Variants in FSTL4 observed in about 807,000 individuals in gnomAD.
The protein encoded by FSTL4 is follistatin-related protein 4.
FSTL4 carries 28 observed loss-of-function variants against 78.2 expected under a neutral mutation model. That is an observed-to-expected ratio of 0.36 (90% CI 0.27 to 0.49). The LOEUF is 0.49. Among genes scored for constraint, FSTL4 ranks in the 20% least tolerant of loss-of-function variants. FSTL4 has a pLI of 0.98. For synonymous variants in FSTL4, 422 were observed against 440.5 expected, an observed-to-expected ratio of 0.96 and a Z score of 0.53; for missense variants, 922 against 1,084.9, an observed-to-expected ratio of 0.85 and a Z score of 2.11.
At chr5:133,336,721 C>A (rs1030416344) in intron 4 of FSTL4, among the ~76,000 whole-genome samples, 2 of 152,206 alleles carry the variant, frequency 1.3e-5, no homozygotes, top group African/African-American at 2.4e-5. Context: ...TGGTTCCCTG[C>A]AGGCCTGACC....
At chr5:133,738,626 CT>C in the FSTL4 span, among the ~76,000 whole-genome samples, 1 of 152,178 alleles carries the variant, frequency 6.6e-6, no homozygotes, top group African/African-American at 2.4e-5. Context: ...AACTCAGGCC[CT>C]GATGCTGTCT....
the FSTL4 span, among the ~76,000 whole-genome samples, chr5:133,770,554 T>G: frequency 1.3e-5 from 2 of 152,202 alleles, no homozygotes; most frequent in Non-Finnish European, 2.9e-5. Flanking sequence ...TCATGTCCTT[T>G]GCCCAATTTT....
intron 6 of FSTL4, among the ~76,000 whole-genome samples, chr5:133,258,129 C>T (rs573610622): frequency 1.3e-5 from 2 of 152,280 alleles, no homozygotes; most frequent in East Asian, 1.9e-4. Context: ...ATGACTATTT[C>T]GTGGCCTCTC....
At chr5:133,783,510 C>T in the FSTL4 span, among the ~76,000 whole-genome samples, 7 of 152,228 alleles carry the variant, frequency 4.6e-5, no homozygotes, top group Non-Finnish European at 1.0e-4. Flanking sequence ...CACGGCCTCA[C>T]ATGTCCTCCT....
intron 6 of FSTL4, among the ~76,000 whole-genome samples, chr5:133,258,426 A>G (rs953264707): frequency 6.6e-6 from 1 of 152,202 alleles, no homozygotes; most frequent in Non-Finnish European, 1.5e-5. Flanking sequence ...AGAAAAAATG[A>G]GCCTGGGTAA....
chr5:133,319,528 A>G (rs1753995981), intron 4 of FSTL4, among the ~76,000 whole-genome samples: 1 of 152,164 alleles, frequency 6.6e-6, no homozygotes, highest in Non-Finnish European at 1.5e-5. Context: ...TGCAGGAGCC[A>G]TGGTGGGGCA....
chr5:133,259,183 G>T (rs1271909913), intron 6 of FSTL4, among the ~76,000 whole-genome samples: 8 of 149,174 alleles, frequency 5.4e-5, no homozygotes, highest in Non-Finnish European at 1.2e-4. Context: ...GTGTGTGTGG[G>T]GGGTGGGTGC....
intron 6 of FSTL4, 104 bp from the exon 7 acceptor site, chr5:133,249,680 G>T: frequency 1.2e-6 from 1 of 804,540 alleles, no homozygotes; most frequent in East Asian, 2.6e-5. Context: ...AGGCCCAGAA[G>T]GGCTTCACGA....
intron 3 of FSTL4, among the ~76,000 whole-genome samples, chr5:133,561,693 A>G (rs1481848476): frequency 6.6e-6 from 1 of 152,162 alleles, no homozygotes; most frequent in Non-Finnish European, 1.5e-5. Flanking sequence ...AGCCAGCACA[A>G]GTTGGGTTTC....
the FSTL4 span, among the ~76,000 whole-genome samples, chr5:133,796,345 C>A: frequency 6.6e-6 from 1 of 152,190 alleles, no homozygotes; most frequent in Non-Finnish European, 1.5e-5. Flanking sequence ...GACTGTCAAC[C>A]AGCTCAGTGG....
intron 11 of FSTL4, 151 bp from the exon 12 acceptor site, chr5:133,221,017 G>A: frequency 1.4e-6 from 1 of 725,110 alleles, no homozygotes; most frequent in Non-Finnish European, 2.5e-6. Flanking sequence ...GGTAGAATGA[G>A]CAGCCAGCTT....
the FSTL4 span, among the ~76,000 whole-genome samples, chr5:133,673,094 G>A: frequency 1.3e-5 from 2 of 152,198 alleles, no homozygotes; most frequent in African/African-American, 2.4e-5. Flanking sequence ...ATTCTTTTGA[G>A]TTTCTGATGA....
In FSTL4 at chr5:133,517,447, AAT is replaced by A. The variant is rs1554068021; in HGVS notation, c.160+49737_160+49738del. Among the ~76,000 whole-genome samples, 44 of 16,402 alleles carry A rather than the reference AAT, an allele frequency of 2.7e-3. 1 individual carries two copies. The highest frequency in any genetic ancestry group is 7.8e-3 in the African/African-American group (28 of 3,574). 10.8% of individuals were successfully genotyped at this position (16,402 alleles called of 152,430 possible). ...CAAAAAAAAAAAAAAAAAAAAAAAA[AAT>A]ATATATATATATATGCACACACACA... On this transcript the variant is annotated intron_variant, in intron 3 of 15. Coordinates refer to ENST00000265342, the MANE Select transcript of FSTL4 (RefSeq NM_015082.2).
chr5:133,737,454 T>G, the FSTL4 span, among the ~76,000 whole-genome samples: 5 of 152,354 alleles, frequency 3.3e-5, no homozygotes, highest in East Asian at 9.6e-4. Context: ...TTTTTACGGC[T>G]GAATAGTCCT....
chr5:133,390,533 G>T (rs1334049583), intron 4 of FSTL4, among the ~76,000 whole-genome samples: 3 of 152,238 alleles, frequency 2.0e-5, no homozygotes, highest in African/African-American at 7.2e-5. Context: ...AGCATGGGTG[G>T]TTCCCGGAGA....
At chr5:133,230,960 C>T (rs1342597752) in intron 8 of FSTL4, among the ~76,000 whole-genome samples, 2 of 152,132 alleles carry the variant, frequency 1.3e-5, no homozygotes, top group Admixed American at 6.5e-5. Flanking sequence ...GCTTCAGGGG[C>T]GGCCCCTTCT....
intron 3 of FSTL4, among the ~76,000 whole-genome samples, chr5:133,553,887 C>G (rs1433507372): frequency 6.6e-6 from 1 of 152,164 alleles, no homozygotes; most frequent in Non-Finnish European, 1.5e-5. Context: ...AGAACCTGGA[C>G]TCAGGGGTGG....
At chr5:133,341,952 C>T (rs967344708) in intron 4 of FSTL4, among the ~76,000 whole-genome samples, 1 of 152,186 alleles carries the variant, frequency 6.6e-6, no homozygotes, top group African/African-American at 2.4e-5. Context: ...GTACCTGCTC[C>T]AGCACTGTCT....
intron 4 of FSTL4, among the ~76,000 whole-genome samples, chr5:133,369,280 C>T (rs187048513): frequency 1.3e-5 from 2 of 152,328 alleles, no homozygotes; most frequent in East Asian, 3.9e-4. Flanking sequence ...AAGCCAATTA[C>T]ACAAGTTGTT....
Sources: allele counts gnomAD v4.1 joint callset (sites outside exome capture counted in the v4.1 genomes callset), GRCh38; gene constraint gnomAD v4.1.1; transcripts MANE v1.5; gene names NCBI Gene and HGNC (gene_info 2026-07-23, HGNC 2026-07-21).